AMOTL1: variants seen among roughly 807,000 people sequenced by gnomAD.
AMOTL1 encodes the protein angiomotin like 1.
In AMOTL1, 45 loss-of-function variants were observed where a neutral mutation model predicts 102.9. That is an observed-to-expected ratio of 0.44 (90% CI 0.34 to 0.56). The LOEUF (loss-of-function observed/expected upper bound fraction) is 0.56. Among genes scored for constraint, AMOTL1 ranks in the 20% least tolerant of loss-of-function variants. AMOTL1 has a pLI of 0.01. For missense variants in AMOTL1, 1,114 were observed against 1,225.6 expected, an observed-to-expected ratio of 0.91 and a Z score of 1.36; for synonymous variants, 481 against 484.7, an observed-to-expected ratio of 0.99 and a Z score of 0.10.
intron 7 of AMOTL1, among the ~76,000 whole-genome samples, chr11:94,853,539 A>G (rs569582130): frequency 6.6e-6 from 1 of 152,272 alleles, no homozygotes; most frequent in African/African-American, 2.4e-5. Context: ...TGTCTTGGAC[A>G]TTTGGGTTGC....
chr11:94,846,864 A>G (rs746377672), intron 6 of AMOTL1, among the ~76,000 whole-genome samples: 3 of 152,226 alleles, frequency 2.0e-5, no homozygotes, highest in Non-Finnish European at 4.4e-5. Flanking sequence ...TGCCTACCTC[A>G]TACAGTAAAC....
chr11:94,781,564 G>A (rs919408201), intron 1 of AMOTL1, among the ~76,000 whole-genome samples: 1 of 152,194 alleles, frequency 6.6e-6, no homozygotes, highest in African/African-American at 2.4e-5. Context: ...TAAGCCGGGT[G>A]CGGTGGCTCA....
chr11:94,835,032 C>CA (rs1200497829), intron 6 of AMOTL1, among the ~76,000 whole-genome samples: 4 of 152,144 alleles, frequency 2.6e-5, no homozygotes, highest in African/African-American at 9.7e-5. Context: ...TTTGTCTATA[C>CA]AAAAAATCTT....
intron 6 of AMOTL1, among the ~76,000 whole-genome samples, chr11:94,838,362 T>C (rs1453952438): frequency 6.6e-6 from 1 of 152,206 alleles, no homozygotes; most frequent in Admixed American, 6.5e-5. Flanking sequence ...ATATAGGCTA[T>C]CTACTATCAA....
chr11:94,728,796 G>A (rs2135455671), intron 1 of AMOTL1: 1 of 391,156 alleles, frequency 2.6e-6, no homozygotes, highest in South Asian at 2.3e-5. Context: ...TAGACAACGA[G>A]CTTTGTGTGC....
chr11:94,836,760 C>CTTTTTTT (rs200404531), intron 6 of AMOTL1, among the ~76,000 whole-genome samples: 1 of 140,832 alleles, frequency 7.1e-6, no homozygotes. Flanking sequence ...TTCCTTCCTT[C>CTTTTTTT]TTTTTTTTTT....
intron 1 of AMOTL1, among the ~76,000 whole-genome samples, chr11:94,708,188 G>T (rs1184421020): frequency 6.6e-6 from 1 of 152,142 alleles, no homozygotes; most frequent in Non-Finnish European, 1.5e-5. Context: ...TCCACTCCTA[G>T]TATAAGACGC....
intron 1 of AMOTL1, among the ~76,000 whole-genome samples, chr11:94,708,119 C>T (rs1019115023): frequency 2.6e-5 from 4 of 152,294 alleles, no homozygotes; most frequent in South Asian, 2.1e-4. Flanking sequence ...CCCATCAACA[C>T]GCTTTGCCTG....
chr11:94,811,303 G>C (rs1218416445), intron 3 of AMOTL1, among the ~76,000 whole-genome samples: 2 of 152,064 alleles, frequency 1.3e-5, no homozygotes. Flanking sequence ...GACCACCCTG[G>C]CTAACATGGT....
Position 94,854,061 on chromosome 11 carries a change from G to A in AMOTL1, c.1923G>A (p.Leu641=), listed in dbSNP as rs750390484. The change falls in exon 8 of 13, where the codon CTG becomes CTA. Residue 641 remains leucine, a synonymous_variant. Transcript: ENST00000433060. ...TGCGGACTTGGCTGGAGAGAGAGCTGGATGCACTGAGAACCCAGCAGGTAA... is the reference window on the plus strand; with the variant it reads ...TGCGGACTTGGCTGGAGAGAGAGCTAGATGCACTGAGAACCCAGCAGGTAA... ...RRLRTWLERE[L]DALRTQQKHG... is the part of the protein sequence containing the mutation. The A allele has an allele frequency of 3.2e-6, 5 of 1,551,468 alleles. No individual in the cohort carries two copies. The highest frequency in any genetic ancestry group is 4.4e-6 in the Non-Finnish European group (5 of 1,146,086).
chr11:94,851,016 G>A (rs1952526455), intron 7 of AMOTL1, among the ~76,000 whole-genome samples: 2 of 152,210 alleles, frequency 1.3e-5, no homozygotes, highest in Non-Finnish European at 2.9e-5. Flanking sequence ...CAAGGATAAA[G>A]CAGCTGAAGA....
rs536228170 is a variant in AMOTL1, at chr11:94,775,486, C to CT, written c.49+6937dup. Among the ~76,000 whole-genome samples the CT allele has an allele frequency of 1.0e-3, 152 of 147,814 alleles. 4 individuals are homozygous for CT. The South Asian group carries it at 0.015, about 15-fold the overall frequency. ...AGAGTAGAGAAATATAACTCTGTGA[C>CT]TTTTTTTTTTTCTAGCAGTTTAGGA... On this transcript the variant is annotated intron_variant, in intron 1 of 12. Transcript: ENST00000433060.
intron 3 of AMOTL1, among the ~76,000 whole-genome samples, chr11:94,754,449 G>A (rs555086200): frequency 2.0e-5 from 3 of 152,322 alleles, no homozygotes; most frequent in South Asian, 2.1e-4. Context: ...GGAACGCTCC[G>A]AAGTGGGACT....
At chr11:94,833,739 T>A (rs4753633) in intron 6 of AMOTL1, among the ~76,000 whole-genome samples, 35,969 of 152,102 alleles carry the variant, frequency 0.24, 4,829 homozygotes, top group Admixed American at 0.42. Flanking sequence ...TCAGTACAGT[T>A]TCTGGGGAGG....
In AMOTL1 at chr11:94,796,744, G is replaced by A. The variant is rs573650177; in HGVS notation, c.199+1584G>A. On this transcript the variant is annotated intron_variant, in intron 2 of 12. Coordinates refer to ENST00000433060, the MANE Select transcript of AMOTL1 (RefSeq NM_130847.3). ...ACAGTATTTTGCTATTGCAAGGACA[G>A]TAACAATGTCATCTGCTGTCACCTT... Among the ~76,000 whole-genome samples, 5 of 152,304 alleles carry A rather than the reference G, an allele frequency of 3.3e-5. No individual in the cohort carries two copies. The East Asian group carries it at 5.8e-4, about 18-fold the overall frequency.
At chr11:94,819,752 T>C (rs1202833412) in intron 3 of AMOTL1, among the ~76,000 whole-genome samples, 16 of 152,212 alleles carry the variant, frequency 1.1e-4, no homozygotes, top group African/African-American at 3.9e-4. Flanking sequence ...GGCTGTGTCA[T>C]GGGCACATTC....
intron 5 of AMOTL1, among the ~76,000 whole-genome samples, chr11:94,830,990 A>G (rs965453645): frequency 2.0e-5 from 3 of 152,174 alleles, no homozygotes; most frequent in African/African-American, 4.8e-5. Context: ...TGCTGTGTAC[A>G]GTCTTCATAC....
At chr11:94,709,032 C>G (rs896234320) in intron 1 of AMOTL1, among the ~76,000 whole-genome samples, 2 of 152,154 alleles carry the variant, frequency 1.3e-5, no homozygotes, top group African/African-American at 4.8e-5. Flanking sequence ...TTTAGAGTGG[C>G]TTAAGGATGT....
chr11:94,733,723 T>C (rs1268906687), intron 2 of AMOTL1, among the ~76,000 whole-genome samples: 3 of 152,260 alleles, frequency 2.0e-5, no homozygotes, highest in Non-Finnish European at 2.9e-5. Flanking sequence ...TAGATTTCAA[T>C]TGCAGCAAAT....
Sources: gnomAD v4.1 joint callset for allele counts (sites outside exome capture counted in the v4.1 genomes callset) on GRCh38, gnomAD v4.1.1 for gene constraint, MANE v1.5 for transcripts, NCBI Gene and HGNC (gene_info 2026-07-23, HGNC 2026-07-21) for gene names.